Variants in CDH18 observed in about 807,000 individuals in gnomAD.
CDH18 encodes cadherin-18.
A neutral mutation model predicts 67.9 loss-of-function variants in CDH18; 31 were observed. The observed-to-expected ratio is 0.46, with a 90% CI of 0.34 to 0.62. The LOEUF is 0.62. CDH18 is among the 20% of genes least tolerant of loss of function. The pLI is 0.01. For missense variants in CDH18, 890 were observed against 975.5 expected (o/e 0.91, Z 1.17); for synonymous variants, 362 against 347.2 (o/e 1.04, Z -0.48).
intron 5 of CDH18, among the ~76,000 whole-genome samples, chr5:19,655,197 T>G (rs1451507530): frequency 6.6e-6 from 1 of 152,198 alleles, no homozygotes; most frequent in Non-Finnish European, 1.5e-5. Context: ...TACATGTATA[T>G]GTATATGCAT....
chr5:19,714,833 A>C (rs1765150336), intron 5 of CDH18, among the ~76,000 whole-genome samples: 1 of 152,018 alleles, frequency 6.6e-6, no homozygotes, highest in South Asian at 2.1e-4. Flanking sequence ...GTTTCCAAGA[A>C]TCTATGAATG....
intron 3 of CDH18, among the ~76,000 whole-genome samples, chr5:19,778,232 A>G (rs1332903443): frequency 1.3e-5 from 2 of 152,274 alleles, no homozygotes; most frequent in East Asian, 3.9e-4. Context: ...ACTACATTGA[A>G]CCTACATGAT....
chr5:20,331,737 C>T (rs562254564), intron 1 of CDH18, among the ~76,000 whole-genome samples: 8 of 152,238 alleles, frequency 5.3e-5, no homozygotes, highest in East Asian at 1.9e-4. Context: ...GGCCCAACTT[C>T]CTGAAGTCTC....
intron 2 of CDH18, among the ~76,000 whole-genome samples, chr5:19,968,583 G>A (rs1797709170): frequency 6.7e-6 from 1 of 150,220 alleles, no homozygotes; most frequent in South Asian, 2.1e-4. Flanking sequence ...AGAAAAACAA[G>A]CAACAGGGAA....
At chr5:20,174,472 C>T (rs1367242625) in intron 2 of CDH18, among the ~76,000 whole-genome samples, 1 of 152,082 alleles carries the variant, frequency 6.6e-6, no homozygotes, top group Non-Finnish European at 1.5e-5. Context: ...GTTTCAAATG[C>T]CATTGAGGAG....
At chr5:19,561,021 T>C (rs1052186545) in intron 8 of CDH18, among the ~76,000 whole-genome samples, 4 of 152,098 alleles carry the variant, frequency 2.6e-5, no homozygotes, top group African/African-American at 9.7e-5. Context: ...GATGTTGGCA[T>C]GGATGTGGTG....
intron 1 of CDH18, among the ~76,000 whole-genome samples, chr5:20,269,003 A>G (rs1351551752): frequency 2.0e-5 from 3 of 152,190 alleles, no homozygotes; most frequent in Non-Finnish European, 4.4e-5. Context: ...TCCACAATAT[A>G]GAAGTAACAC....
At chr5:19,634,500 T>G (rs997261484) in intron 5 of CDH18, among the ~76,000 whole-genome samples, 6 of 152,186 alleles carry the variant, frequency 3.9e-5, no homozygotes, top group African/African-American at 1.4e-4. Context: ...ATGTAGTATA[T>G]GCAAAGCACA....
At chr5:19,489,950 T>C (rs1741117987) in intron 11 of CDH18, among the ~76,000 whole-genome samples, 1 of 143,548 alleles carries the variant, frequency 7.0e-6, no homozygotes, top group Non-Finnish European at 1.5e-5. Flanking sequence ...AACTATAATA[T>C]AATAACTGCA....
At chr5:20,401,411 G>A (rs2150129672) in intron 1 of CDH18, among the ~76,000 whole-genome samples, 1 of 152,244 alleles carries the variant, frequency 6.6e-6, no homozygotes, top group East Asian at 1.9e-4. Flanking sequence ...GTATACAAAT[G>A]TTGAGTTTCC....
At chr5:20,508,363 A>G (rs1019359327) in intron 1 of CDH18, among the ~76,000 whole-genome samples, 6 of 133,240 alleles carry the variant, frequency 4.5e-5, no homozygotes, top group Admixed American at 1.5e-4. Context: ...ATATATATAT[A>G]TATGTATATT....
chr5:19,632,105 G>A (rs1752498124), intron 5 of CDH18, among the ~76,000 whole-genome samples: 1 of 152,022 alleles, frequency 6.6e-6, no homozygotes, highest in Admixed American at 6.6e-5. Context: ...TTCCAGCAGT[G>A]TATACCACAT....
At chr5:19,721,782 C>T (rs963573663) in intron 4 of CDH18, among the ~76,000 whole-genome samples, 4 of 152,040 alleles carry the variant, frequency 2.6e-5, no homozygotes, top group Admixed American at 6.6e-5. Context: ...ATTTGGTTGG[C>T]TTGCACTCAT....
chr5:20,359,683 A>G (rs1580827609), intron 1 of CDH18, among the ~76,000 whole-genome samples: 1 of 152,292 alleles, frequency 6.6e-6, no homozygotes, highest in South Asian at 2.1e-4. Context: ...AGGAATATAT[A>G]TATCAGCCTG....
At chr5:20,085,608 AAG>A (rs1744874796) in intron 2 of CDH18, among the ~76,000 whole-genome samples, 1 of 152,204 alleles carries the variant, frequency 6.6e-6, no homozygotes. Flanking sequence ...TTACAAAAGA[AAG>A]AGGTTTAATT....
intron 2 of CDH18, among the ~76,000 whole-genome samples, chr5:19,961,917 A>AT (rs35506875): frequency 1.3e-5 from 2 of 151,778 alleles, no homozygotes; most frequent in African/African-American, 4.8e-5. Flanking sequence ...CTAAGTTTGT[A>AT]TTTTTTAAAC....
At chr5:20,076,446 T>C (rs553279759) in intron 2 of CDH18, among the ~76,000 whole-genome samples, 1 of 152,198 alleles carries the variant, frequency 6.6e-6, no homozygotes, top group South Asian at 2.1e-4. Flanking sequence ...GTAAACCTTG[T>C]AATGAAATGG....
intron 1 of CDH18, among the ~76,000 whole-genome samples, chr5:20,537,481 G>T (rs968541109): frequency 6.6e-6 from 1 of 151,996 alleles, no homozygotes; most frequent in Non-Finnish European, 1.5e-5. Context: ...TAAACTGATT[G>T]TACTTTGACA....
At chr5:20,065,252 T>C (rs187736343) in intron 2 of CDH18, among the ~76,000 whole-genome samples, 48 of 152,142 alleles carry the variant, frequency 3.2e-4, no homozygotes, top group African/African-American at 1.1e-3. Flanking sequence ...TAAAATCTTA[T>C]TGGGGGAATG....
Sources: allele counts gnomAD v4.1 joint callset (sites outside exome capture counted in the v4.1 genomes callset), GRCh38; gene constraint gnomAD v4.1.1; transcripts MANE v1.5; gene names NCBI Gene and HGNC (gene_info 2026-07-23, HGNC 2026-07-21).